RIMS2: variants seen among roughly 807,000 people sequenced by gnomAD.
RIMS2 encodes regulating synaptic membrane exocytosis protein 2.
RIMS2 carries 59 observed loss-of-function variants against 174.4 expected under a neutral mutation model. That is an observed-to-expected ratio of 0.34 (90% CI 0.27 to 0.42). The LOEUF (loss-of-function observed/expected upper bound fraction) is 0.42, where lower values mean the gene tolerates loss of function less well. RIMS2 is among the 10% of genes least tolerant of loss of function. RIMS2 has a pLI of 1.00. For missense variants in RIMS2, 1,620 were observed against 1,666.3 expected, an observed-to-expected ratio of 0.97 and a Z score of 0.48; for synonymous variants, 606 against 572.5, an observed-to-expected ratio of 1.06 and a Z score of -0.84.
At chr8:103,870,639 A>T (rs972335254) in intron 3 of RIMS2, among the ~76,000 whole-genome samples, 1 of 150,328 alleles carries the variant, frequency 6.7e-6, no homozygotes, top group African/African-American at 2.5e-5. Context: ...TCCAAATCTT[A>T]CTCATTTTGC....
At chr8:103,582,545 G>C (rs2093676759) in intron 1 of RIMS2, among the ~76,000 whole-genome samples, 1 of 152,210 alleles carries the variant, frequency 6.6e-6, no homozygotes, top group Non-Finnish European at 1.5e-5. Context: ...TCCTGGGCCA[G>C]AGGGGAGTCC....
intron 1 of RIMS2, among the ~76,000 whole-genome samples, chr8:103,691,818 C>T (rs1564305954): frequency 6.6e-6 from 1 of 152,022 alleles, no homozygotes; most frequent in East Asian, 1.9e-4. Context: ...GTTGTTTGTA[C>T]CCATCCTTCT....
chr8:103,669,647 A>C (rs1326596726), intron 1 of RIMS2, among the ~76,000 whole-genome samples: 2 of 152,242 alleles, frequency 1.3e-5, no homozygotes, highest in Non-Finnish European at 2.9e-5. Flanking sequence ...GGCCCCATGC[A>C]AGTCTGAAAT....
At chr8:104,224,136 A>G (rs1406287019) in intron 19 of RIMS2, among the ~76,000 whole-genome samples, 1 of 152,238 alleles carries the variant, frequency 6.6e-6, no homozygotes, top group African/African-American at 2.4e-5. Context: ...CAGTCCGGGT[A>G]TTAGCATTCG....
intron 14 of RIMS2, among the ~76,000 whole-genome samples, chr8:103,957,216 G>A (rs994345569): frequency 2.0e-5 from 3 of 152,170 alleles, no homozygotes; most frequent in African/African-American, 4.8e-5. Context: ...TCTAGAACTA[G>A]AAATACCACT....
chr8:103,915,344 T>C, intron 6 of RIMS2, 151 bp from the exon 10 acceptor site: 1 of 466,938 alleles, frequency 2.1e-6, no homozygotes, highest in Non-Finnish European at 3.9e-6. Flanking sequence ...GCTAACCTAA[T>C]AGAGACAATA....
chr8:103,612,656 G>T (rs149969138), intron 1 of RIMS2, among the ~76,000 whole-genome samples: 1 of 152,244 alleles, frequency 6.6e-6, no homozygotes, highest in East Asian at 1.9e-4. Context: ...TTGGCTCCCT[G>T]CAACCTCCGC....
At chr8:103,734,989 A>G (rs2097667126) in intron 2 of RIMS2, among the ~76,000 whole-genome samples, 2 of 152,116 alleles carry the variant, frequency 1.3e-5, no homozygotes, top group South Asian at 4.1e-4. Flanking sequence ...ATCATGGAAA[A>G]TAGTCACTAG....
At chr8:103,961,729 A>G (rs980216599) in intron 15 of RIMS2, among the ~76,000 whole-genome samples, 4 of 152,146 alleles carry the variant, frequency 2.6e-5, no homozygotes, top group African/African-American at 9.6e-5. Context: ...AAAGTATTCT[A>G]TTCCTTTTGA....
chr8:103,784,984 C>T lies in RIMS2; in HGVS notation c.698+18447C>T. On this transcript the variant is annotated intron_variant, in intron 3 of 23. Coordinates refer to ENST00000504942, the Ensembl canonical transcript of RIMS2. ...TAGTTCTCCTTGAAGAGGTTCTTCA[C>T]ATCCCTTGTAAGTTGGATTCCTAGG... 1.4e-5 allele frequency among the ~76,000 whole-genome samples: 2 copies of T among 142,254 alleles called. 1 individual carries two copies. 93.3% of individuals were successfully genotyped at this position (142,254 alleles called of 152,430 possible).
chr8:104,255,488 A>C (rs910340502), downstream of RIMS2: 1 of 152,222 alleles, frequency 6.6e-6, no homozygotes, highest in Admixed American at 6.5e-5. Flanking sequence ...CCAGCTCACG[A>C]ATGAGCTCTT....
At chr8:104,072,397 G>C (rs1300902018) in intron 19 of RIMS2, among the ~76,000 whole-genome samples, 1 of 151,948 alleles carries the variant, frequency 6.6e-6, no homozygotes, top group Non-Finnish European at 1.5e-5. Flanking sequence ...TTTAACATTA[G>C]ATCTAGTTGC....
At chr8:103,663,195 G>A (rs1034106586) in intron 1 of RIMS2, among the ~76,000 whole-genome samples, 14 of 151,740 alleles carry the variant, frequency 9.2e-5, no homozygotes, top group African/African-American at 3.4e-4. Flanking sequence ...TTTTTTTTCT[G>A]GAGGAAAAGA....
At chr8:104,249,710 T>A in intron 22 of RIMS2, 122 bp downstream of exon 28, 1 of 619,128 alleles carries the variant, frequency 1.6e-6, no homozygotes, top group Non-Finnish European at 2.9e-6. Context: ...TGGTCCATTA[T>A]GACTGGTCTG....
At chr8:103,752,980 G>C (rs557458888) in intron 2 of RIMS2, among the ~76,000 whole-genome samples, 1 of 151,966 alleles carries the variant, frequency 6.6e-6, no homozygotes, top group East Asian at 1.9e-4. Context: ...TGTTGAATAG[G>C]AGTGGTGAGA....
chr8:103,689,959 C>CTTTTTTT, intron 1 of RIMS2, among the ~76,000 whole-genome samples: 1 of 137,568 alleles, frequency 7.3e-6, no homozygotes, highest in Non-Finnish European at 1.5e-5. Flanking sequence ...CTCCATGTGT[C>CTTTTTTT]TTTTTTTTTT....
intron 2 of RIMS2, among the ~76,000 whole-genome samples, chr8:103,742,890 A>C (rs1411615326): frequency 6.6e-6 from 1 of 152,148 alleles, no homozygotes; most frequent in Non-Finnish European, 1.5e-5. Flanking sequence ...ATATACTCGT[A>C]CCTTTCTTCT....
At chr8:103,644,622 G>A (rs559230630) in intron 1 of RIMS2, among the ~76,000 whole-genome samples, 31 of 151,404 alleles carry the variant, frequency 2.0e-4, no homozygotes, top group African/African-American at 5.1e-4. Context: ...TAAAATATTG[G>A]CAAAAGGAGA....
At chr8:103,814,530 A>G (rs1014160098) in intron 3 of RIMS2, among the ~76,000 whole-genome samples, 1 of 152,180 alleles carries the variant, frequency 6.6e-6, no homozygotes, top group Non-Finnish European at 1.5e-5. Flanking sequence ...TGGATGTTTC[A>G]TAGTACTAAT....
Sources: gnomAD v4.1 joint callset for allele counts (sites outside exome capture counted in the v4.1 genomes callset) on GRCh38, gnomAD v4.1.1 for gene constraint, MANE v1.5 for transcripts, NCBI Gene and HGNC (gene_info 2026-07-23, HGNC 2026-07-21) for gene names.